Variants in TIAL1 observed in about 807,000 individuals in gnomAD.
TIAL1 encodes nucleolysin TIAR.
TIAL1 carries 7 observed loss-of-function variants against 59.7 expected under a neutral mutation model. The observed-to-expected ratio is 0.12, with a 90% confidence interval of 0.07 to 0.22. The LOEUF (loss-of-function observed/expected upper bound fraction) is 0.22, where lower values mean the gene tolerates loss of function less well. Among genes scored for constraint, TIAL1 ranks in the 10% least tolerant of loss-of-function variants. TIAL1 has a pLI of 1.00. For missense variants in TIAL1, 225 were observed against 462.5 expected (o/e 0.49, Z 4.71); for synonymous variants, 149 against 146.3 (o/e 1.02, Z -0.13).
At chr10:119,579,547 G>C (rs1845202589) in intron 6 of TIAL1, among the ~76,000 whole-genome samples, 1 of 152,098 alleles carries the variant, frequency 6.6e-6, no homozygotes, top group South Asian at 2.1e-4. Flanking sequence ...AGTTATATAA[G>C]AGTATGAATA....
intron 5 of TIAL1, 94 bp from the exon 6 acceptor site, chr10:119,580,104 T>A (rs938676343): frequency 3.9e-6 from 4 of 1,020,036 alleles, no homozygotes; most frequent in Admixed American, 2.7e-5. Flanking sequence ...TGAGCATTTT[T>A]AAAATAAAAT....
At chr10:119,586,522 A>G (rs1358353179) in intron 2 of TIAL1, among the ~76,000 whole-genome samples, 2 of 152,134 alleles carry the variant, frequency 1.3e-5, no homozygotes, top group African/African-American at 4.8e-5. Flanking sequence ...TCTCCATAAA[A>G]CAGTCATTCT....
rs186648520 is a variant in TIAL1 at position 119,578,031 on chromosome 10, C to A, written c.557-295G>T. ...CACGAGGTCACGAGTTCGAGACCAG[C>A]CTGACCAACACGGTGAAACCCTGTC... On this transcript the variant is annotated intron_variant, in intron 7 of 11. Coordinates refer to ENST00000436547, the MANE Select transcript of TIAL1 (RefSeq NM_003252.4). Among the ~76,000 whole-genome samples, 96 of 152,072 alleles carry A rather than the reference C, an allele frequency of 6.3e-4. 1 individual carries two copies. The highest frequency in any genetic ancestry group is 2.2e-3 in the African/African-American group (93 of 41,504).
chr10:119,577,605 G>A, intron 8 of TIAL1, 36 bp downstream of exon 8: 1 of 1,605,708 alleles, frequency 6.2e-7, no homozygotes, highest in Non-Finnish European at 8.5e-7. Context: ...CAGTGATGAA[G>A]CTCCTCAGAG....
At chr10:119,578,623 CCTGT>C in intron 7 of TIAL1, 99 bp downstream of exon 7, 2 of 1,045,848 alleles carry the variant, frequency 1.9e-6, no homozygotes, top group Non-Finnish European at 2.9e-6. Context: ...AGAGCAAGAC[CCTGT>C]CTCTTACATA....
In TIAL1 at chr10:119,582,367, A is replaced by C; in HGVS notation, c.228+92T>G. ...AGCAAAACCATCACTCAGCAGCCGA[A>C]TATCTGCTCAAAAATTTGCCTAGAA... On this transcript the variant is annotated intron_variant, in intron 3 of 11. Transcript: ENST00000436547. The surrounding 1 kb of genome is among the most constrained non-coding windows in gnomAD (Gnocchi z 5.1). 3 of 1,493,360 alleles carry C rather than the reference A, an allele frequency of 2.0e-6. No homozygotes were observed. The highest frequency in any genetic ancestry group is 2.7e-6 in the Non-Finnish European group (3 of 1,116,836). The allele number at this position is 1,493,360 out of a possible 1,614,324, so 92.5% of individuals were successfully genotyped here. A position where few individuals can be genotyped will look rare whatever the true frequency, so the allele number is the denominator to read the frequency against.
intron 1 of TIAL1, chr10:119,593,399 A>G: frequency 2.3e-6 from 2 of 873,098 alleles, no homozygotes; most frequent in Non-Finnish European, 2.8e-6. Context: ...GCCACTTTAA[A>G]TACCATCAAA....
At chr10:119,580,729 TATAA>T (rs960519600) in intron 5 of TIAL1, 6 of 1,015,884 alleles carry the variant, frequency 5.9e-6, no homozygotes, top group African/African-American at 5.3e-5. Context: ...AATATGTATA[TATAA>T]ATAATGTATA....
At position 119,582,247 on chromosome 10, in the gene TIAL1, T is replaced by A; in HGVS notation, c.229-24A>T. On this transcript the variant is annotated intron_variant, in intron 3 of 11. Transcript: ENST00000436547. This position sits in a 1 kb window ranked among gnomAD's most constrained non-coding sequence, Gnocchi z 5.1. The stretch of plus-strand genomic sequence containing the variant: ...TCCTAAAAATAAAGATTATATTTAA[T>A]AAAATTATTAGGCATGTCATGAGTT... The A allele has an allele frequency of 6.4e-7, 1 of 1,554,280 alleles. No individual in the cohort carries two copies. Among genetic ancestry groups the A allele is most frequent in the Non-Finnish European group, 8.7e-7 (1 of 1,149,500 alleles).
intron 5 of TIAL1, 113 bp downstream of exon 5, chr10:119,581,806 TAAG>T: frequency 1.3e-6 from 1 of 789,634 alleles, no homozygotes; most frequent in Non-Finnish European, 2.0e-6. Flanking sequence ...AAATGAAAAA[TAAG>T]AAACAAAACA....
At chr10:119,586,789 C>T (rs1161332006) in intron 2 of TIAL1, among the ~76,000 whole-genome samples, 1 of 152,214 alleles carries the variant, frequency 6.6e-6, no homozygotes, top group Non-Finnish European at 1.5e-5. Flanking sequence ...GCTGTTTCCT[C>T]TGCCTCCAGC....
intron 2 of TIAL1, among the ~76,000 whole-genome samples, chr10:119,585,707 T>C (rs932293878): frequency 6.6e-6 from 1 of 152,166 alleles, no homozygotes; most frequent in African/African-American, 2.4e-5. Flanking sequence ...CTAGTGAGTC[T>C]TTCCCCACTT....
chr10:119,583,161 T>C (rs1238641643), intron 2 of TIAL1, among the ~76,000 whole-genome samples: 2 of 151,916 alleles, frequency 1.3e-5, no homozygotes, highest in Non-Finnish European at 2.9e-5. Context: ...CTGAAATGAA[T>C]TCCCTACCTT....
At chr10:119,580,587 T>C in intron 5 of TIAL1, 2 of 999,824 alleles carry the variant, frequency 2.0e-6, no homozygotes, top group Non-Finnish European at 2.4e-6. Context: ...GAAAGGAGAA[T>C]AAAAAACTAA....
At chr10:119,593,421 T>C (rs907833846) in intron 1 of TIAL1, 1 of 925,982 alleles carries the variant, frequency 1.1e-6, no homozygotes. Flanking sequence ...AAATTAGTAA[T>C]ACTGTAGGTA....
At chr10:119,578,051 CCT>C (rs1845100395) in intron 7 of TIAL1, among the ~76,000 whole-genome samples, 1 of 151,956 alleles carries the variant, frequency 6.6e-6, no homozygotes, top group Non-Finnish European at 1.5e-5. Flanking sequence ...ACGGTGAAAC[CCT>C]GTCTCTACTA....
At chr10:119,583,379 T>C (rs753869380) in intron 2 of TIAL1, among the ~76,000 whole-genome samples, 3 of 152,136 alleles carry the variant, frequency 2.0e-5, no homozygotes, top group Non-Finnish European at 4.4e-5. Context: ...TTGACAGTAG[T>C]TACCTAAAAC....
Position 119,577,419 on chromosome 10 carries a change from G to A in TIAL1, c.737+32C>T. On this transcript the variant is annotated intron_variant, in intron 9 of 11. Coordinates refer to ENST00000436547, the MANE Select transcript of TIAL1 (RefSeq NM_003252.4). ...AGTGAAAGGAATGAATCAAATATAA[G>A]AGTAATAATGATATTTCAAGTAGAG... 2.6e-6 allele frequency: 4 copies of A among 1,563,860 alleles called. No individual in the cohort carries two copies. The African/African-American group carries it at 4.1e-5, about 16-fold the overall frequency.
chr10:119,589,663 G>GA lies in TIAL1; in HGVS notation c.33-1416dup, dbSNP rs1435022554. 3.9e-5 allele frequency among the ~76,000 whole-genome samples: 6 copies of GA among 152,140 alleles called. No homozygotes were observed. In the East Asian group the frequency reaches 1.2e-3, roughly 29 times the overall value. On this transcript the variant is annotated intron_variant, in intron 1 of 11. Coordinates refer to ENST00000436547, the MANE Select transcript of TIAL1 (RefSeq NM_003252.4). ...ACAATTGAATGTGTTTTGTGTAAAA[G>GA]ATTTTAAATACAGGAAAGTTTAAAA... is the stretch of plus-strand genomic sequence containing the variant.
Sources: gnomAD v4.1 joint callset for allele counts (sites outside exome capture counted in the v4.1 genomes callset) on GRCh38, gnomAD v4.1.1 for gene constraint, Gnocchi (gnomAD v3.1) non-coding constraint, MANE v1.5 for transcripts, NCBI Gene and HGNC (gene_info 2026-07-23, HGNC 2026-07-21) for gene names.